Variants in SPARCL1 observed in about 807,000 individuals in gnomAD.
The protein encoded by SPARCL1 is SPARC like 1, also known as SPARC-like protein 1.
A neutral mutation model predicts 67.1 loss-of-function variants in SPARCL1; 52 were observed. That is an observed-to-expected ratio of 0.78 (90% CI 0.62 to 0.98). The LOEUF is 0.98. Among genes scored for constraint, SPARCL1 ranks in the 50% least tolerant of loss-of-function variants. The pLI is 0.00. For synonymous variants in SPARCL1, 226 were observed against 267.8 expected, an observed-to-expected ratio of 0.84 and a Z score of 1.52; for missense variants, 717 against 782.4, an observed-to-expected ratio of 0.92 and a Z score of 1.00.
chr4:87,490,131 T>C lies in SPARCL1; in HGVS notation c.1531+142A>G, dbSNP rs535900072. ...ACGGTTAAGGCCTGAGAGTTCTTATTTTTTAAGTTTCTCCAGTTGATAATT... is the reference window on the plus strand; with the variant it reads ...ACGGTTAAGGCCTGAGAGTTCTTATCTTTTAAGTTTCTCCAGTTGATAATT... On this transcript the variant is annotated intron_variant, in intron 7 of 10. Coordinates refer to ENST00000282470, the MANE Select transcript of SPARCL1 (RefSeq NM_004684.6). 553 of 901,130 alleles carry C rather than the reference T, an allele frequency of 6.1e-4. 12 individuals are homozygous for C. In the South Asian group the frequency reaches 0.012, roughly 20 times the overall value. The allele number at this position is 901,130 out of a possible 1,614,324, so 55.8% of individuals were successfully genotyped here.
At chr4:87,516,538 A>G (rs1355815349) in intron 1 of SPARCL1, among the ~76,000 whole-genome samples, 1 of 152,154 alleles carries the variant, frequency 6.6e-6, no homozygotes, top group Non-Finnish European at 1.5e-5. Flanking sequence ...TTCTATGCTA[A>G]GCACTTCACC....
At chr4:87,508,841 A>G (rs1725225297) in intron 1 of SPARCL1, among the ~76,000 whole-genome samples, 2 of 147,480 alleles carry the variant, frequency 1.4e-5, no homozygotes, top group South Asian at 2.1e-4. Context: ...TATGTAATGT[A>G]GATACGTATA....
chr4:87,515,932 A>AT (rs1429531476), intron 1 of SPARCL1, among the ~76,000 whole-genome samples: 1 of 152,158 alleles, frequency 6.6e-6, no homozygotes, highest in Non-Finnish European at 1.5e-5. Context: ...ATTCTTTGCT[A>AT]TTTCTCCTGT....
chr4:87,514,050 T>G (rs1321777900), intron 1 of SPARCL1, among the ~76,000 whole-genome samples: 24 of 151,916 alleles, frequency 1.6e-4, no homozygotes, highest in Admixed American at 1.6e-3. Context: ...AAAAACTAGC[T>G]GGGCGTGGTG....
At chr4:87,501,521 A>T (rs1256776994) in intron 1 of SPARCL1, among the ~76,000 whole-genome samples, 1 of 151,830 alleles carries the variant, frequency 6.6e-6, no homozygotes, top group Non-Finnish European at 1.5e-5. Flanking sequence ...TTTTCTCAGA[A>T]TTTTTTTTAA....
chr4:87,525,136 C>T (rs1725986866), intron 1 of SPARCL1, among the ~76,000 whole-genome samples: 2 of 150,194 alleles, frequency 1.3e-5, no homozygotes, highest in South Asian at 2.1e-4. Context: ...GCACTCTAGC[C>T]TGGGCAATAG....
rs755904430 is a variant in SPARCL1 at position 87,482,438 on chromosome 4, T to A, written c.1654A>T (p.Lys552Ter). The change falls in exon 8 of 11, where the codon AAG (lysine) becomes TAG (stop). Residue 552 changes from lysine to a stop codon, truncating the protein, a stop_gained. Coordinates refer to ENST00000282470, the MANE Select transcript of SPARCL1 (RefSeq NM_004684.6). LOFTEE classifies it high-confidence loss of function. The part of the protein sequence containing the change: ...NSEHAGYLNE[K>*]QRNKVKKIYL... ...GGATAACTTACTTTATTTCTCTGCT[T>A]CTCATTTAGATAACCAGCGTGTTCA... The A allele has an allele frequency of 6.2e-7, 1 of 1,613,618 alleles. No individual in the cohort carries two copies. The highest frequency in any genetic ancestry group is 8.5e-7 in the Non-Finnish European group (1 of 1,179,898).
chr4:87,499,119 G>A (rs1440321712), intron 2 of SPARCL1, among the ~76,000 whole-genome samples: 2 of 152,034 alleles, frequency 1.3e-5, no homozygotes, highest in South Asian at 2.1e-4. Flanking sequence ...CAGGTGATCC[G>A]CCCATCTCAG....
chr4:87,493,560 G>A, intron 4 of SPARCL1, 22 bp downstream of exon 4: 1 of 1,578,430 alleles, frequency 6.3e-7, no homozygotes, highest in Non-Finnish European at 8.6e-7. Context: ...TATTGGACAA[G>A]GACCATTTAA....
At chr4:87,506,157 T>C (rs1013070528) in intron 1 of SPARCL1, among the ~76,000 whole-genome samples, 10 of 152,242 alleles carry the variant, frequency 6.6e-5, no homozygotes, top group African/African-American at 1.4e-4. Context: ...TTGAGAACCA[T>C]TGGTTTAGCG....
intron 1 of SPARCL1, among the ~76,000 whole-genome samples, chr4:87,508,328 T>G (rs2110247802): frequency 6.6e-6 from 1 of 152,006 alleles, no homozygotes; most frequent in African/African-American, 2.4e-5. Flanking sequence ...CCCAAGTAGT[T>G]GAGGTTACAG....
intron 1 of SPARCL1, among the ~76,000 whole-genome samples, chr4:87,508,568 G>T (rs944060788): frequency 2.6e-5 from 4 of 151,910 alleles, no homozygotes. Context: ...TGAAATGGGG[G>T]TCTTATGACC....
intron 1 of SPARCL1, among the ~76,000 whole-genome samples, chr4:87,513,392 C>T (rs1284811565): frequency 6.6e-6 from 1 of 152,226 alleles, no homozygotes; most frequent in East Asian, 1.9e-4. Flanking sequence ...GACTAGTGAA[C>T]AGGCTACAGA....
In SPARCL1 at chr4:87,473,831, A is replaced by C. The variant is rs1723449636; in HGVS notation, c.1967-28T>G. 3 of 1,561,192 alleles carry C rather than the reference A, an allele frequency of 1.9e-6. No homozygotes were observed. The East Asian group carries it at 6.7e-5, about 35-fold the overall frequency. ...ATAAAAAAACAAGAAGCAAAATGACACTTTTAGAAAGTAGCCAGAGTAGTA... is the reference window on the plus strand; with the variant it reads ...ATAAAAAAACAAGAAGCAAAATGACCCTTTTAGAAAGTAGCCAGAGTAGTA... On this transcript the variant is annotated intron_variant, in intron 10 of 10. Transcript: ENST00000282470.
At chr4:87,527,428 C>A (rs1448126407) in intron 1 of SPARCL1, among the ~76,000 whole-genome samples, 1 of 152,104 alleles carries the variant, frequency 6.6e-6, no homozygotes, top group Admixed American at 6.6e-5. Context: ...TGTTCCCAAC[C>A]AGTTCTGGAT....
At chr4:87,518,122 C>T (rs1256813566) in intron 1 of SPARCL1, among the ~76,000 whole-genome samples, 1 of 152,080 alleles carries the variant, frequency 6.6e-6, no homozygotes, top group Admixed American at 6.6e-5. Flanking sequence ...TGTAATAAAC[C>T]CTAATGGATT....
At chr4:87,483,633 G>A (rs11097158) in intron 7 of SPARCL1, among the ~76,000 whole-genome samples, 27,130 of 152,014 alleles carry the variant, frequency 0.18, 3,050 homozygotes, top group Admixed American at 0.25. Context: ...AATGGTATTT[G>A]TAGTTCTAGA....
intron 2 of SPARCL1, chr4:87,497,267 T>C: frequency 1.0e-6 from 1 of 975,284 alleles, no homozygotes; most frequent in Non-Finnish European, 1.2e-6. Context: ...TTTGAAAAAG[T>C]TTATAAAGAA....
At chr4:87,510,059 T>C (rs181409014) in intron 1 of SPARCL1, among the ~76,000 whole-genome samples, 1 of 152,208 alleles carries the variant, frequency 6.6e-6, no homozygotes. Flanking sequence ...AGTCATCAAT[T>C]AAAAATTAAA....
Sources: allele counts gnomAD v4.1 joint callset (sites outside exome capture counted in the v4.1 genomes callset), GRCh38; gene constraint gnomAD v4.1.1; transcripts MANE v1.5; gene names NCBI Gene and HGNC (gene_info 2026-07-23, HGNC 2026-07-21).